Variants in FAN1 observed in about 807,000 individuals in gnomAD.
The protein encoded by FAN1 is fanconi-associated nuclease 1.
FAN1 carries 91 observed loss-of-function variants against 104.9 expected under a neutral mutation model. The ratio of observed to expected loss-of-function variants is 0.87; its 90% confidence interval spans 0.73 to 1.03. FAN1 has a LOEUF of 1.03. FAN1 is among the 50% of genes least tolerant of loss of function. The pLI, the probability that FAN1 is intolerant of heterozygous loss-of-function variation, is 0.00. For synonymous variants in FAN1, 478 were observed against 457.6 expected, an observed-to-expected ratio of 1.04 and a Z score of -0.57; for missense variants, 1,263 against 1,239.9, an observed-to-expected ratio of 1.02 and a Z score of -0.28.
intron 7 of FAN1, 114 bp from the exon 8 acceptor site, chr15:30,922,121 G>T: frequency 7.4e-7 from 1 of 1,346,286 alleles, no homozygotes; most frequent in South Asian, 1.4e-5. Context: ...CCTCATTGTA[G>T]AATGGAAAGA....
chr15:30,941,477 T>TA, intron 14 of FAN1, 89 bp from the exon 15 acceptor site: 1 of 1,604,014 alleles, frequency 6.2e-7, no homozygotes, highest in Non-Finnish European at 8.5e-7. Flanking sequence ...ATTTTAGTCT[T>TA]CATTTGCTAA....
chr15:30,936,275 T>C (rs1241824487), intron 13 of FAN1, among the ~76,000 whole-genome samples: 1 of 152,080 alleles, frequency 6.6e-6, no homozygotes, highest in African/African-American at 2.4e-5. Context: ...TCCAGATCAG[T>C]TTAAGCTGAG....
chr15:30,906,547 A>G (rs977872689), intron 2 of FAN1: 8 of 456,330 alleles, frequency 1.8e-5, no homozygotes, highest in Admixed American at 9.4e-5. Context: ...GGTGTTATTC[A>G]GAGGGCCATG....
chr15:30,920,503 T>G, intron 6 of FAN1, 42 bp from the exon 7 acceptor site: 1 of 1,279,354 alleles, frequency 7.8e-7, no homozygotes, highest in Non-Finnish European at 1.1e-6. Context: ...TTATAATAAA[T>G]TAACCAAATT....
intron 5 of FAN1, among the ~76,000 whole-genome samples, chr15:30,914,432 A>G (rs1400915551): frequency 6.6e-6 from 1 of 152,132 alleles, no homozygotes. Context: ...TGGCATGATC[A>G]CCGCTCACTG....
chr15:30,928,801 T>C (rs898796025), intron 11 of FAN1, 145 bp downstream of exon 11: 36 of 1,466,954 alleles, frequency 2.5e-5, no homozygotes, highest in Middle Eastern at 2.5e-4. Flanking sequence ...TGATAACTTA[T>C]TTTAAAAATC....
intron 11 of FAN1, 85 bp from the exon 12 acceptor site, chr15:30,929,118 C>G (rs1305496653): frequency 1.6e-6 from 2 of 1,224,858 alleles, no homozygotes; most frequent in African/African-American, 3.2e-5. Context: ...GGCCGGTTTC[C>G]AAGTTTTGTA....
rs766624148 is a variant in FAN1 at position 30,920,661 on chromosome 15, C to T, written c.2052+8C>T. 3 of 1,516,818 alleles carry T rather than the reference C, an allele frequency of 2.0e-6. No individual in the cohort carries two copies. Among genetic ancestry groups the T allele is most frequent in the Middle Eastern group, 3.4e-4 (2 of 5,848 alleles). The allele number at this position is 1,516,818 out of a possible 1,614,324, so 94.0% of individuals were successfully genotyped here. On this transcript the variant is annotated splice_region_variant and intron_variant, in intron 7 of 14. Coordinates refer to ENST00000362065, the MANE Select transcript of FAN1 (RefSeq NM_014967.5). ...AGACTTCACATGTATGAGGTTAGAG[C>T]ACAGGTCCCTGCCCCCCACCATTAC...
At position 30,942,200 on chromosome 15, in the gene FAN1, CCCTT is replaced by C; in HGVS notation, c.*643_*646del. 1 of 1,179,922 alleles carries C rather than the reference CCCTT, an allele frequency of 8.5e-7. No individual in the cohort carries two copies. The highest frequency in any genetic ancestry group is 1.2e-6 in the Non-Finnish European group (1 of 842,698). The allele number at this position is 1,179,922 out of a possible 1,614,324, so 73.1% of individuals were successfully genotyped here. On this transcript the variant is annotated 3_prime_UTR_variant, in exon 15 of 15. Transcript: ENST00000362065. The stretch of plus-strand genomic sequence containing the variant: ...TTTCAGCCTCAAAGAACATTTTCCT[CCCTT>C]CCTTTGTGTCCTTATTCTAATCCTC...
intron 2 of FAN1, among the ~76,000 whole-genome samples, chr15:30,906,879 G>C (rs1197103344): frequency 6.6e-6 from 1 of 152,136 alleles, no homozygotes; most frequent in Non-Finnish European, 1.5e-5. Context: ...ACTAGTCACA[G>C]ATCTTTGGTT....
chr15:30,904,168 G>C (rs1048705285), intron 1 of FAN1, 157 bp downstream of exon 1: 1 of 155,950 alleles, frequency 6.4e-6, no homozygotes, highest in Non-Finnish European at 1.4e-5. Context: ...TGCGGGCATC[G>C]CCCTGGGCCA....
chr15:30,913,975 T>G lies in FAN1; in HGVS notation c.1695T>G (p.Cys565Trp). Residue 565 changes from cysteine to tryptophan, a missense_variant, in exon 5 of 15, where the codon TGT (cysteine) becomes TGG (tryptophan). Cys to Trp is a radical substitution (Grantham distance 215). Transcript: ENST00000362065. ...TDSMEDEDAA[C>W]GGQGQLSTVL... ...CAATGGAAGATGAAGACGCCGCTTGTGGAGGTCAGGGACAGCTTTCAACAG... is the reference window on the plus strand; with the variant it reads ...CAATGGAAGATGAAGACGCCGCTTGGGGAGGTCAGGGACAGCTTTCAACAG... 1 of 1,614,198 alleles carries G rather than the reference T, an allele frequency of 6.2e-7. No homozygotes were observed. Among genetic ancestry groups the G allele is most frequent in the Non-Finnish European group, 8.5e-7 (1 of 1,180,018 alleles).
In FAN1 at chr15:30,941,976, A is replaced by T; in HGVS notation, c.*414A>T. On this transcript the variant is annotated 3_prime_UTR_variant, in exon 15 of 15. Transcript: ENST00000362065. ...TGAGCTGGATCTGGCTTTGGTTTTA[A>T]TATCAATGAATTTCTCCTTGGAAGT... 6.2e-7 allele frequency: 1 copy of T among 1,613,968 alleles called. No homozygotes were observed. Among genetic ancestry groups the T allele is most frequent in the Middle Eastern group, 1.6e-4 (1 of 6,062 alleles).
At chr15:30,928,051 A>C in intron 10 of FAN1, 1 of 992,794 alleles carries the variant, frequency 1.0e-6, no homozygotes, top group Non-Finnish European at 1.2e-6. Context: ...GATGAGGTGC[A>C]TCAGAGCAGC....
rs1366688008 is a variant in FAN1 at position 30,927,121 on chromosome 15, A to G, written c.2488+1182A>G. 2.0e-5 allele frequency: 18 copies of G among 913,782 alleles called. No individual in the cohort carries two copies. The South Asian group carries it at 3.5e-4, about 18-fold the overall frequency. The allele number at this position is 913,782 out of a possible 1,614,324, so 56.6% of individuals were successfully genotyped here. A position where few individuals can be genotyped will look rare whatever the true frequency, so the allele number is the denominator to read the frequency against. Reference sequence around the variant, plus strand: ...GAACTCTGAAGACGGAGGTGGGAGGATCTCTTGACCCCAGGAGGTCAAGGC... The same window carrying G: ...GAACTCTGAAGACGGAGGTGGGAGGGTCTCTTGACCCCAGGAGGTCAAGGC... On this transcript the variant is annotated intron_variant, in intron 10 of 14. Coordinates refer to ENST00000362065, the MANE Select transcript of FAN1 (RefSeq NM_014967.5).
rs142350646 is a variant in FAN1, at chr15:30,905,153, G to A, written c.490G>A (p.Val164Ile). The change falls in exon 2 of 15, where the codon GTA becomes ATA. Residue 164 changes from valine to isoleucine, a missense_variant. By Grantham distance (29) the Val-to-Ile change is conservative. Around this residue, in one of 2 missense-constraint regions of FAN1, gnomAD observed 682 missense variants for 571.1 expected, o/e 1.19. Transcript: ENST00000362065. ...SLASKLSRKY[V>I]KAKKSIDKDE... ...AGCATCTAAATTGTCCAGAAAATAC[G>A]TAAAGGCTAAAAAATCAATAGATAA... 15 of 1,613,686 alleles carry A rather than the reference G, an allele frequency of 9.3e-6. No individual in the cohort carries two copies. The highest frequency in any genetic ancestry group is 2.7e-5 in the African/African-American group (2 of 74,910).
At chr15:30,925,320 A>G in intron 9 of FAN1, 29 bp downstream of exon 9, 2 of 1,600,022 alleles carry the variant, frequency 1.2e-6, no homozygotes, top group Non-Finnish European at 1.7e-6. Flanking sequence ...GGTGCTTTGG[A>G]CTTAGGCGCG....
chr15:30,933,543 T>C (rs1449993597), intron 13 of FAN1, among the ~76,000 whole-genome samples: 1 of 152,224 alleles, frequency 6.6e-6, no homozygotes, highest in Non-Finnish European at 1.5e-5. Flanking sequence ...TGGTCCAGAA[T>C]ATGGTATTCC....
intron 7 of FAN1, 135 bp from the exon 8 acceptor site, chr15:30,922,100 G>A (rs920389250): frequency 3.6e-6 from 4 of 1,125,292 alleles, no homozygotes; most frequent in Non-Finnish European, 3.8e-6. Flanking sequence ...CTGTCAGTTC[G>A]GGGTCCTTGG....
Sources: allele counts gnomAD v4.1 joint callset (sites outside exome capture counted in the v4.1 genomes callset), GRCh38; gene constraint gnomAD v4.1.1; regional missense constraint gnomAD v4.1.1; transcripts MANE v1.5; gene names NCBI Gene and HGNC (gene_info 2026-07-23, HGNC 2026-07-21).